RORA: variants seen among roughly 807,000 people sequenced by gnomAD.
The protein encoded by RORA is RAR related orphan receptor A.
A neutral mutation model predicts 69.5 loss-of-function variants in RORA; 7 were observed. The observed-to-expected ratio is 0.10, with a 90% CI of 0.06 to 0.19. The LOEUF (loss-of-function observed/expected upper bound fraction) is 0.19. Ranked by LOEUF, RORA falls within the 10% of genes least tolerant of loss-of-function variation. The pLI is 1.00. For missense variants in RORA, 457 were observed against 663.0 expected (o/e 0.69, Z 3.41); for synonymous variants, 261 against 240.8 (o/e 1.08, Z -0.78).
At chr15:60,801,825 C>T (rs918786175) in intron 1 of RORA, among the ~76,000 whole-genome samples, 14 of 152,178 alleles carry the variant, frequency 9.2e-5, no homozygotes, top group Admixed American at 7.2e-4. Flanking sequence ...AATCCCTTAA[C>T]TGTATGGTAT....
intron 2 of RORA, among the ~76,000 whole-genome samples, chr15:60,601,548 A>C (rs1345649932): frequency 6.6e-6 from 1 of 152,218 alleles, no homozygotes; most frequent in Admixed American, 6.5e-5. Flanking sequence ...CTCCAAACCA[A>C]AAACATCTGT....
At chr15:60,710,878 G>A (rs1199960982) in intron 1 of RORA, among the ~76,000 whole-genome samples, 1 of 151,888 alleles carries the variant, frequency 6.6e-6, no homozygotes, top group Non-Finnish European at 1.5e-5. Flanking sequence ...CTATGCTCCA[G>A]AGCACACAAA....
At chr15:60,712,771 G>A (rs145787300) in intron 1 of RORA, among the ~76,000 whole-genome samples, 3 of 152,238 alleles carry the variant, frequency 2.0e-5, no homozygotes, top group East Asian at 1.9e-4. Flanking sequence ...TCCCTGACGC[G>A]GGGTTCCCCA....
At chr15:61,016,288 G>A (rs1313769933) in intron 1 of RORA, among the ~76,000 whole-genome samples, 4 of 152,180 alleles carry the variant, frequency 2.6e-5, no homozygotes, top group Admixed American at 2.6e-4. Context: ...TGGCATTCGA[G>A]AAGCTCCTAG....
chr15:60,600,947 AC>A (rs2068795210), intron 2 of RORA: 1 of 152,160 alleles, frequency 6.6e-6, no homozygotes, highest in Non-Finnish European at 1.5e-5. Flanking sequence ...AACATTCTGT[AC>A]TTTTATTACA....
intron 2 of RORA, chr15:60,601,095 G>A (rs1486828284): frequency 6.6e-6 from 1 of 152,126 alleles, no homozygotes; most frequent in Non-Finnish European, 1.5e-5. Context: ...TAAACATTAT[G>A]CTGCAACTCT....
At chr15:60,823,178 T>C (rs1050782691) in intron 1 of RORA, among the ~76,000 whole-genome samples, 8 of 150,608 alleles carry the variant, frequency 5.3e-5, no homozygotes, top group African/African-American at 1.7e-4. Flanking sequence ...CTTCCTTTCC[T>C]CCTCTTCCTT....
chr15:60,898,524 T>TAAAC (rs1555461070), intron 1 of RORA, among the ~76,000 whole-genome samples: 7 of 150,318 alleles, frequency 4.7e-5, no homozygotes, highest in African/African-American at 1.7e-4. Flanking sequence ...AATAAATAAA[T>TAAAC]AAATAAATAA....
chr15:61,101,708 C>A (rs2078882489), intron 1 of RORA, among the ~76,000 whole-genome samples: 1 of 151,860 alleles, frequency 6.6e-6, no homozygotes, highest in African/African-American at 2.4e-5. Context: ...AGTGACAGAA[C>A]CAGATGTGCA....
chr15:60,516,778 C>A (rs2065974213), intron 3 of RORA, among the ~76,000 whole-genome samples: 1 of 152,118 alleles, frequency 6.6e-6, no homozygotes, highest in South Asian at 2.1e-4. Context: ...GTGTTCTTCA[C>A]AGTACTATCT....
At chr15:61,212,041 C>T (rs1435859887) in intron 1 of RORA, 2 of 152,140 alleles carry the variant, frequency 1.3e-5, no homozygotes, top group African/African-American at 4.8e-5. Context: ...CATGGCTAGA[C>T]CCAGCCTTTG....
chr15:60,551,645 C>A (rs1161312520), intron 2 of RORA, among the ~76,000 whole-genome samples: 1 of 152,222 alleles, frequency 6.6e-6, no homozygotes. Flanking sequence ...AGATGCACAG[C>A]CTCTAGTAAA....
chr15:60,539,141 G>C (rs748983307), intron 2 of RORA, among the ~76,000 whole-genome samples: 3 of 152,136 alleles, frequency 2.0e-5, no homozygotes, highest in Non-Finnish European at 4.4e-5. Flanking sequence ...AGTTGTGTAA[G>C]AGTTAAAATA....
chr15:60,676,288 T>G (rs2070551644), intron 2 of RORA, among the ~76,000 whole-genome samples: 1 of 152,220 alleles, frequency 6.6e-6, no homozygotes, highest in Non-Finnish European at 1.5e-5. Context: ...ATGGGCTGTC[T>G]GCTGAGCTGG....
intron 1 of RORA, among the ~76,000 whole-genome samples, chr15:61,170,289 T>C (rs1489284393): frequency 7.2e-5 from 11 of 152,220 alleles, no homozygotes; most frequent in Admixed American, 7.2e-4. Context: ...TCTGTTTTCT[T>C]GCGTTTTCTA....
chr15:61,137,066 AG>A (rs2035319870), intron 1 of RORA, among the ~76,000 whole-genome samples: 1 of 149,338 alleles, frequency 6.7e-6, no homozygotes, highest in African/African-American at 2.6e-5. Flanking sequence ...AAAGAAAGAA[AG>A]AAAGAAAGAA....
chr15:60,906,906 T>C (rs1019004867), intron 1 of RORA, among the ~76,000 whole-genome samples: 5 of 152,216 alleles, frequency 3.3e-5, no homozygotes, highest in African/African-American at 1.2e-4. Flanking sequence ...CTATAGTTTG[T>C]CAATTAATCC....
intron 2 of RORA, chr15:60,592,586 C>T (rs1186456420): frequency 1.6e-6 from 2 of 1,218,352 alleles, no homozygotes; most frequent in South Asian, 3.2e-5. Flanking sequence ...GCTGACATCA[C>T]GGCCGCCGCT....
chr15:60,699,997 G>GT (rs907201929), intron 1 of RORA, among the ~76,000 whole-genome samples: 1 of 152,178 alleles, frequency 6.6e-6, no homozygotes, highest in Admixed American at 6.5e-5. Context: ...CTAGTTTTCT[G>GT]TTTTTTGTCC....
Sources: allele counts gnomAD v4.1 joint callset (sites outside exome capture counted in the v4.1 genomes callset), GRCh38; gene constraint gnomAD v4.1.1; transcripts MANE v1.5; gene names NCBI Gene and HGNC (gene_info 2026-07-23, HGNC 2026-07-21).